Variants in OXR1 observed in about 807,000 individuals in gnomAD.
OXR1 encodes the protein oxidation resistance 1.
Under a neutral mutation model 104.6 loss-of-function variants are expected in OXR1, and 41 were observed. The observed-to-expected ratio is 0.39, with a 90% CI of 0.31 to 0.51. OXR1 has a LOEUF of 0.51. Ranked by LOEUF, OXR1 falls within the 20% of genes least tolerant of loss-of-function variation. The pLI, the probability that OXR1 is intolerant of heterozygous loss-of-function variation, is 0.77. For synonymous variants in OXR1, 348 were observed against 348.4 expected, an observed-to-expected ratio of 1.00 and a Z score of 0.01; for missense variants, 955 against 1,031.9, an observed-to-expected ratio of 0.93 and a Z score of 1.02.
intron 11 of OXR1, among the ~76,000 whole-genome samples, chr8:106,724,116 A>G (rs557547107): frequency 2.0e-5 from 3 of 152,310 alleles, no homozygotes; most frequent in Non-Finnish European, 2.9e-5. Flanking sequence ...ATTATATATT[A>G]TAGCTTCTAT....
intron 3 of OXR1, among the ~76,000 whole-genome samples, chr8:106,595,678 G>C (rs1290906978): frequency 6.6e-6 from 1 of 152,114 alleles, no homozygotes; most frequent in Non-Finnish European, 1.5e-5. Context: ...ACTTTTACCA[G>C]CATGGAATAA....
At chr8:106,705,901 T>G (rs1223291787) in intron 8 of OXR1, among the ~76,000 whole-genome samples, 1 of 152,070 alleles carries the variant, frequency 6.6e-6, no homozygotes, top group African/African-American at 2.4e-5. Context: ...CCATATATTT[T>G]AATTTAAGCT....
intron 2 of OXR1, among the ~76,000 whole-genome samples, chr8:106,452,112 G>A (rs571048458): frequency 6.6e-6 from 1 of 152,288 alleles, no homozygotes; most frequent in African/African-American, 2.4e-5. Context: ...TTTGGTTTCT[G>A]TCTGGTAAGC....
intron 3 of OXR1, among the ~76,000 whole-genome samples, chr8:106,651,720 T>G (rs1161757983): frequency 6.6e-6 from 1 of 152,182 alleles, no homozygotes; most frequent in Non-Finnish European, 1.5e-5. Flanking sequence ...GTTTTTCTTT[T>G]TAAATATTGT....
At chr8:106,495,481 T>G (rs893964957) in intron 2 of OXR1, among the ~76,000 whole-genome samples, 1 of 152,208 alleles carries the variant, frequency 6.6e-6, no homozygotes, top group Non-Finnish European at 1.5e-5. Flanking sequence ...ATATTTCTGA[T>G]CAATTATCCA....
At chr8:106,664,563 T>C (rs1363807704) in intron 3 of OXR1, among the ~76,000 whole-genome samples, 1 of 152,242 alleles carries the variant, frequency 6.6e-6, no homozygotes, top group Admixed American at 6.5e-5. Flanking sequence ...ATTTGTTCTG[T>C]TTCATAGAAT....
chr8:106,361,619 T>C (rs1180057659), intron 2 of OXR1, among the ~76,000 whole-genome samples: 3 of 152,214 alleles, frequency 2.0e-5, no homozygotes, highest in African/African-American at 7.2e-5. Context: ...TTTTTTATAA[T>C]AACCTTTGTA....
chr8:106,678,719 G>T (rs529670340), intron 3 of OXR1, among the ~76,000 whole-genome samples: 2 of 151,944 alleles, frequency 1.3e-5, no homozygotes, highest in Admixed American at 6.6e-5. Context: ...TTACTTCATG[G>T]CATGTTAATA....
At chr8:106,337,786 C>G (rs567850220) in intron 1 of OXR1, among the ~76,000 whole-genome samples, 1 of 152,226 alleles carries the variant, frequency 6.6e-6, no homozygotes, top group African/African-American at 2.4e-5. Flanking sequence ...TTGGAAATCA[C>G]CTTTCTCTTA....
chr8:106,355,458 A>G (rs1215006467), intron 1 of OXR1, among the ~76,000 whole-genome samples: 2 of 152,202 alleles, frequency 1.3e-5, no homozygotes, highest in East Asian at 1.9e-4. Context: ...AAATCACGTC[A>G]TAAAAAAGTA....
intron 2 of OXR1, among the ~76,000 whole-genome samples, chr8:106,427,909 T>G (rs1037805722): frequency 6.6e-6 from 1 of 152,222 alleles, no homozygotes; most frequent in South Asian, 2.1e-4. Context: ...GCATTCATAA[T>G]TATGGATGCA....
intron 2 of OXR1, among the ~76,000 whole-genome samples, chr8:106,395,647 T>C (rs1817746622): frequency 1.3e-5 from 2 of 152,096 alleles, no homozygotes; most frequent in African/African-American, 2.4e-5. Context: ...ATATCAGATA[T>C]GGATACATAA....
At chr8:106,618,201 C>T (rs1041986297) in intron 3 of OXR1, 1 of 1,527,204 alleles carries the variant, frequency 6.5e-7, no homozygotes, top group African/African-American at 1.4e-5. Flanking sequence ...TAAGTGCTCT[C>T]TTAGTGGCTT....
At chr8:106,328,907 C>T (rs1326917723) in intron 1 of OXR1, among the ~76,000 whole-genome samples, 1 of 152,138 alleles carries the variant, frequency 6.6e-6, no homozygotes, top group East Asian at 1.9e-4. Flanking sequence ...GAATTTTCGA[C>T]CTCATCATCC....
At chr8:106,712,536 CAT>C (rs1412805456) in intron 10 of OXR1, among the ~76,000 whole-genome samples, 2 of 152,142 alleles carry the variant, frequency 1.3e-5, no homozygotes, top group East Asian at 3.9e-4. Context: ...CAAAGAGTAA[CAT>C]ATGGAAATTG....
At chr8:106,462,192 T>C (rs1392141501) in intron 2 of OXR1, among the ~76,000 whole-genome samples, 1 of 152,170 alleles carries the variant, frequency 6.6e-6, no homozygotes, top group Admixed American at 6.6e-5. Flanking sequence ...GCAAATAATA[T>C]AGCAGAATTA....
intron 3 of OXR1, among the ~76,000 whole-genome samples, chr8:106,594,188 A>AT (rs564550167): frequency 9.1e-4 from 136 of 149,742 alleles, no homozygotes; most frequent in Non-Finnish European, 1.4e-3. Context: ...CTGAGGCTTT[A>AT]TTTTTTTTTT....
chr8:106,520,437 A>G (rs1415713196), intron 3 of OXR1: 1 of 152,154 alleles, frequency 6.6e-6, no homozygotes, highest in Non-Finnish European at 1.5e-5. Context: ...AAATGCCTCC[A>G]TGTAGGTTTA....
chr8:106,479,233 G>T (rs1821973602), intron 2 of OXR1, among the ~76,000 whole-genome samples: 1 of 151,788 alleles, frequency 6.6e-6, no homozygotes, highest in African/African-American at 2.4e-5. Flanking sequence ...GTCTTATATT[G>T]TCTGTTTCTC....
Sources: gnomAD v4.1 joint callset for allele counts (sites outside exome capture counted in the v4.1 genomes callset) on GRCh38, gnomAD v4.1.1 for gene constraint, MANE v1.5 for transcripts, NCBI Gene and HGNC (gene_info 2026-07-23, HGNC 2026-07-21) for gene names.